Variants in SAMD5 observed in about 807,000 individuals in gnomAD.
SAMD5 encodes sterile alpha motif domain-containing protein 5.
SAMD5 carries 13 observed loss-of-function variants against 11.3 expected under a neutral mutation model. That is an observed-to-expected ratio of 1.15 (90% CI 0.75 to 1.83). The LOEUF (loss-of-function observed/expected upper bound fraction) is 1.83, where lower values mean the gene tolerates loss of function less well. Among genes scored for constraint, SAMD5 ranks in the 40% most tolerant of loss-of-function variants. The pLI is 0.00. For synonymous variants in SAMD5, 129 were observed against 111.3 expected (o/e 1.16, Z -1.00); for missense variants, 255 against 239.1 (o/e 1.07, Z -0.44).
intron 1 of SAMD5, among the ~76,000 whole-genome samples, chr6:147,621,009 C>T (rs934016608): frequency 1.3e-5 from 2 of 151,104 alleles, no homozygotes; most frequent in South Asian, 2.1e-4. Context: ...CACATGCGCG[C>T]GCATGTAGGG....
intron 1 of SAMD5, among the ~76,000 whole-genome samples, chr6:147,526,049 T>C (rs1377963190): frequency 1.3e-5 from 2 of 152,094 alleles, no homozygotes; most frequent in African/African-American, 4.8e-5. Flanking sequence ...AACCACACTC[T>C]TCAAATAGCC....
chr6:147,785,024 C>G, the SAMD5 span, among the ~76,000 whole-genome samples: 1 of 152,020 alleles, frequency 6.6e-6, no homozygotes, highest in Non-Finnish European at 1.5e-5. Flanking sequence ...AAAGTTATGG[C>G]CCCAGATTAT....
chr6:147,873,228 T>C, the SAMD5 span, among the ~76,000 whole-genome samples: 2 of 151,968 alleles, frequency 1.3e-5, no homozygotes, highest in South Asian at 4.2e-4. Context: ...AATACAAAAA[T>C]TAGCTGGGCG....
intron 1 of SAMD5, among the ~76,000 whole-genome samples, chr6:147,534,335 A>C (rs1788476063): frequency 1.3e-5 from 2 of 152,124 alleles, no homozygotes; most frequent in South Asian, 4.2e-4. Flanking sequence ...CTCATGTGAA[A>C]TCCAAACCTC....
intron 1 of SAMD5, among the ~76,000 whole-genome samples, chr6:147,704,895 C>T (rs903583214): frequency 5.3e-5 from 8 of 152,222 alleles, no homozygotes; most frequent in Admixed American, 3.3e-4. Flanking sequence ...TGAGATAGCA[C>T]ATCCGTTAAA....
At chr6:147,545,771 A>G (rs1253449804) in intron 1 of SAMD5, among the ~76,000 whole-genome samples, 1 of 152,210 alleles carries the variant, frequency 6.6e-6, no homozygotes, top group Non-Finnish European at 1.5e-5. Context: ...ACATATATAC[A>G]TACATAAATC....
the SAMD5 span, among the ~76,000 whole-genome samples, chr6:147,950,222 T>C: frequency 0.48 from 73,704 of 152,032 alleles, 19,519 homozygotes; most frequent in East Asian, 0.76. Flanking sequence ...ATGGGAGAAA[T>C]TGGGATTTGC....
the SAMD5 span, among the ~76,000 whole-genome samples, chr6:147,890,516 G>T: frequency 6.6e-6 from 1 of 151,688 alleles, no homozygotes; most frequent in African/African-American, 2.4e-5. Flanking sequence ...ACACCACCAC[G>T]CCCCGCTAAT....
chr6:147,620,812 A>C (rs1179165235), intron 1 of SAMD5, among the ~76,000 whole-genome samples: 1 of 152,182 alleles, frequency 6.6e-6, no homozygotes, highest in African/African-American at 2.4e-5. Flanking sequence ...GCTGATCAGA[A>C]CATCTTCTTA....
At chr6:147,795,836 ATG>A in the SAMD5 span, among the ~76,000 whole-genome samples, 1 of 151,812 alleles carries the variant, frequency 6.6e-6, no homozygotes, top group Non-Finnish European at 1.5e-5. Flanking sequence ...GCATTTTTTC[ATG>A]TGTTTTTTGG....
chr6:147,537,363 A>G (rs1788525544), intron 1 of SAMD5, among the ~76,000 whole-genome samples: 1 of 152,182 alleles, frequency 6.6e-6, no homozygotes, highest in African/African-American at 2.4e-5. Flanking sequence ...TTAAATATTA[A>G]AGGTTTAAAA....
the SAMD5 span, among the ~76,000 whole-genome samples, chr6:147,875,815 C>A: frequency 6.6e-6 from 1 of 152,174 alleles, no homozygotes; most frequent in Admixed American, 6.5e-5. Flanking sequence ...CTCCCATCAA[C>A]CCCAGATGGG....
chr6:147,838,532 C>CCT, the SAMD5 span, among the ~76,000 whole-genome samples: 1 of 44,612 alleles, frequency 2.2e-5, no homozygotes, highest in South Asian at 7.0e-4. Context: ...GAATATCCTG[C>CCT]CCCCCCCCCG....
chr6:147,898,920 C>T, the SAMD5 span, among the ~76,000 whole-genome samples: 3 of 151,926 alleles, frequency 2.0e-5, no homozygotes, highest in African/African-American at 7.3e-5. Flanking sequence ...GTGGCTCACC[C>T]CTGTAATCCC....
intron 1 of SAMD5, among the ~76,000 whole-genome samples, chr6:147,722,791 T>C (rs1461451295): frequency 6.6e-6 from 1 of 152,234 alleles, no homozygotes; most frequent in African/African-American, 2.4e-5. Context: ...CACTCAATAG[T>C]ATTAACACCT....
intron 1 of SAMD5, among the ~76,000 whole-genome samples, chr6:147,537,215 G>A (rs905958313): frequency 6.6e-5 from 10 of 152,052 alleles, no homozygotes; most frequent in South Asian, 2.1e-4. Flanking sequence ...GCTAAACGCC[G>A]TTTTATATTT....
chr6:147,682,598 C>T (rs1210263598), intron 1 of SAMD5, among the ~76,000 whole-genome samples: 6 of 152,096 alleles, frequency 3.9e-5, no homozygotes, highest in Admixed American at 1.3e-4. Context: ...AAAGCCAAGC[C>T]GTGCAACTTT....
At chr6:147,761,998 C>T in the SAMD5 span, among the ~76,000 whole-genome samples, 2 of 152,052 alleles carry the variant, frequency 1.3e-5, no homozygotes, top group African/African-American at 4.8e-5. Flanking sequence ...CATATGTGAG[C>T]CACCACGCCT....
chr6:147,900,358 G>A, the SAMD5 span, among the ~76,000 whole-genome samples: 1 of 152,212 alleles, frequency 6.6e-6, no homozygotes, highest in Admixed American at 6.5e-5. Context: ...AACATGCAAG[G>A]AATTTGCAAG....
Sources: allele counts gnomAD v4.1 joint callset (sites outside exome capture counted in the v4.1 genomes callset), GRCh38; gene constraint gnomAD v4.1.1; transcripts MANE v1.5; gene names NCBI Gene and HGNC (gene_info 2026-07-23, HGNC 2026-07-21).